The following LY75 variants were observed in gnomAD, a reference collection of about 807,000 sequenced individuals.
The protein encoded by LY75 is lymphocyte antigen 75.
In LY75, 185 loss-of-function variants were observed where a neutral mutation model predicts 231.7. The ratio of observed to expected loss-of-function variants is 0.80; its 90% confidence interval spans 0.71 to 0.90. The LOEUF (loss-of-function observed/expected upper bound fraction) is 0.90, where lower values mean the gene tolerates loss of function less well. Among genes scored for constraint, LY75 ranks in the 40% least tolerant of loss-of-function variants. The pLI is 0.00. For synonymous variants in LY75, 668 were observed against 689.0 expected (o/e 0.97, Z 0.48); for missense variants, 1,947 against 2,050.2 (o/e 0.95, Z 0.97).
In LY75 at chr2:159,872,569, T is replaced by C; in HGVS notation, c.1999A>G (p.Arg667Gly). ...TCAGCTTCTTCCCAGTTCCTCTTTC[T>C]TACAATTCTTTCTGCATGGAATACC... ...YKVFHAERIV[R>G]KRNWEEAERF... The change falls in exon 13 of 35, where the codon AGA (arginine) becomes GGA (glycine). Residue 667 changes from arginine to glycine, a missense_variant. By Grantham distance (125) the Arg-to-Gly change is moderately radical. Transcript: ENST00000263636. The C allele has an allele frequency of 1.9e-6, 3 of 1,613,826 alleles. No individual in the cohort carries two copies. Among genetic ancestry groups the C allele is most frequent in the Non-Finnish European group, 2.5e-6 (3 of 1,179,820 alleles).
chr2:159,834,880 C>T (rs1683774440), intron 26 of LY75, among the ~76,000 whole-genome samples: 1 of 152,220 alleles, frequency 6.6e-6, no homozygotes, highest in Non-Finnish European at 1.5e-5. Context: ...TGTCTTCTTT[C>T]TACCACAGAC....
Position 159,850,539 on chromosome 2 carries a change from C to A in LY75, c.2884-72G>T, listed in dbSNP as rs1574557001. 3.8e-6 allele frequency: 6 copies of A among 1,585,268 alleles called. No homozygotes were observed. The East Asian group carries it at 1.4e-4, about 36-fold the overall frequency. ...CGCTCACATAGGAAGTAAAATGCTT[C>A]ATCTTTTAGAGGGCTGCTAATTTTC... On this transcript the variant is annotated intron_variant, in intron 21 of 34. Coordinates refer to ENST00000263636, the MANE Select transcript of LY75 (RefSeq NM_002349.4).
chr2:159,887,248 C>CACACACACACAT (rs923281435), intron 4 of LY75, among the ~76,000 whole-genome samples: 1 of 149,984 alleles, frequency 6.7e-6, no homozygotes, highest in Non-Finnish European at 1.5e-5. Flanking sequence ...CACACACACA[C>CACACACACACAT]ACGTGGTACA....
chr2:159,889,794 GCCCCTGAGGACTGTA>G (rs1193019094), intron 4 of LY75, among the ~76,000 whole-genome samples: 1 of 152,046 alleles, frequency 6.6e-6, no homozygotes, highest in African/African-American at 2.4e-5. Flanking sequence ...AACACTCCTT[GCCCCTGAGGACTGTA>G]CCCTTTCACT....
At chr2:159,836,620 A>G (rs1468020186) in intron 25 of LY75, among the ~76,000 whole-genome samples, 3 of 152,210 alleles carry the variant, frequency 2.0e-5, no homozygotes, top group Non-Finnish European at 2.9e-5. Flanking sequence ...TATTTGAAAT[A>G]TGGAACGAAG....
At chr2:159,840,616 G>T in intron 25 of LY75, 113 bp downstream of exon 25, 1 of 1,459,466 alleles carries the variant, frequency 6.9e-7, no homozygotes, top group Non-Finnish European at 9.2e-7. Context: ...AAATTTACTG[G>T]AGTAAGATTT....
intron 1 of LY75, chr2:159,902,702 T>C (rs1157833581): frequency 2.0e-5 from 3 of 152,210 alleles, no homozygotes; most frequent in Non-Finnish European, 4.4e-5. Flanking sequence ...AAGTCTAGGT[T>C]TGTTAGTTCA....
At chr2:159,857,879 T>G (rs1270265757) in intron 16 of LY75, among the ~76,000 whole-genome samples, 1 of 152,206 alleles carries the variant, frequency 6.6e-6, no homozygotes, top group Non-Finnish European at 1.5e-5. Context: ...ATACTATCAA[T>G]CTAACTGGCT....
intron 12 of LY75, among the ~76,000 whole-genome samples, chr2:159,873,963 T>C (rs1381832167): frequency 7.0e-4 from 7 of 9,950 alleles, no homozygotes; most frequent in Non-Finnish European, 9.0e-4. Context: ...TAAAAATACA[T>C]ATAAACGTAT....
intron 16 of LY75, among the ~76,000 whole-genome samples, chr2:159,856,139 G>T (rs1684543577): frequency 6.6e-6 from 1 of 152,158 alleles, no homozygotes; most frequent in South Asian, 2.1e-4. Context: ...AAAGTAGGAT[G>T]CAAGGTGTTT....
chr2:159,893,558 C>T (rs1435743979), intron 3 of LY75, among the ~76,000 whole-genome samples: 1 of 152,186 alleles, frequency 6.6e-6, no homozygotes, highest in Non-Finnish European at 1.5e-5. Context: ...TCCTTCTGTT[C>T]ATGCTTCATT....
chr2:159,807,962 C>T (rs1451992564), intron 33 of LY75: 1 of 941,406 alleles, frequency 1.1e-6, no homozygotes, highest in African/African-American at 1.8e-5. Context: ...CAACCTAACA[C>T]TAAGACAGTT....
At chr2:159,878,841 A>G in intron 9 of LY75, 120 bp from the exon 10 acceptor site, 1 of 1,055,652 alleles carries the variant, frequency 9.5e-7, no homozygotes, top group Non-Finnish European at 1.4e-6. Flanking sequence ...GGACATGGCT[A>G]TTGAAATCAT....
intron 34 of LY75, among the ~76,000 whole-genome samples, chr2:159,806,310 A>G (rs962685965): frequency 6.6e-6 from 1 of 152,184 alleles, no homozygotes; most frequent in Non-Finnish European, 1.5e-5. Context: ...CACTCTATTT[A>G]CTGTCTCAGT....
chr2:159,838,250 T>C (rs1397333450), intron 25 of LY75, among the ~76,000 whole-genome samples: 1 of 152,222 alleles, frequency 6.6e-6, no homozygotes, highest in Non-Finnish European at 1.5e-5. Flanking sequence ...ATTAACATCC[T>C]GTCATTTTCA....
chr2:159,808,301 C>A, intron 33 of LY75, 148 bp downstream of exon 33: 2 of 1,381,148 alleles, frequency 1.4e-6, no homozygotes, highest in Non-Finnish European at 1.9e-6. Flanking sequence ...AAATTTATAA[C>A]CATCCAGAAC....
intron 3 of LY75, among the ~76,000 whole-genome samples, chr2:159,890,702 T>G (rs1685727778): frequency 6.6e-6 from 1 of 152,144 alleles, no homozygotes. Flanking sequence ...TTGTGAACAC[T>G]GAGCTAATGG....
chr2:159,883,801 A>T (rs752981294), intron 6 of LY75, among the ~76,000 whole-genome samples: 1 of 152,126 alleles, frequency 6.6e-6, no homozygotes, highest in Non-Finnish European at 1.5e-5. Flanking sequence ...TATTATCTTA[A>T]AATATCCCCT....
In LY75 at chr2:159,819,843, CA is replaced by C; in HGVS notation, c.4035del (p.Asn1345LysfsTer8). The stretch of plus-strand genomic sequence containing the variant: ...GTACTTAAACCAGCCAAAAACTTCT[CA>C]TTTTTTATAGTTGGTCTTCCTGCTC... ...HWRAGRPTIK[N>X]EKFLAGLSTD... On this transcript the variant is annotated frameshift_variant, in exon 29 of 35. Transcript: ENST00000263636. LOFTEE classifies it high-confidence loss of function. 7 of 1,614,094 alleles carry C rather than the reference CA, an allele frequency of 4.3e-6. No individual in the cohort carries two copies. Among genetic ancestry groups the C allele is most frequent in the Non-Finnish European group, 5.9e-6 (7 of 1,179,980 alleles).
Sources: gnomAD v4.1 joint callset for allele counts (sites outside exome capture counted in the v4.1 genomes callset) on GRCh38, gnomAD v4.1.1 for gene constraint, MANE v1.5 for transcripts, NCBI Gene and HGNC (gene_info 2026-07-23, HGNC 2026-07-21) for gene names.